PCNX2: variants seen among roughly 807,000 people sequenced by gnomAD.
PCNX2 encodes pecanex-like protein 2.
PCNX2 carries 168 observed loss-of-function variants against 223.8 expected under a neutral mutation model. The observed-to-expected ratio is 0.75, with a 90% CI of 0.66 to 0.85. The LOEUF (loss-of-function observed/expected upper bound fraction) is 0.85, where lower values mean the gene tolerates loss of function less well. PCNX2 is among the 40% of genes least tolerant of loss of function. The pLI is 0.00. For synonymous variants in PCNX2, 1,006 were observed against 1,052.6 expected (o/e 0.96, Z 0.86); for missense variants, 2,507 against 2,675.5 (o/e 0.94, Z 1.39).
intron 19 of PCNX2, among the ~76,000 whole-genome samples, chr1:233,157,089 A>C (rs1678180652): frequency 6.6e-6 from 1 of 152,186 alleles, no homozygotes; most frequent in African/African-American, 2.4e-5. Flanking sequence ...GTCTCTATCA[A>C]ATCAGGGAAG....
At chr1:233,054,626 A>T in intron 24 of PCNX2, 143 bp from the exon 25 acceptor site, 1 of 682,064 alleles carries the variant, frequency 1.5e-6, no homozygotes, top group Non-Finnish European at 2.4e-6. Flanking sequence ...TTCTTCCCAC[A>T]TTTTAGTGGA....
At chr1:233,138,634 G>T (rs1676941593) in intron 20 of PCNX2, among the ~76,000 whole-genome samples, 1 of 152,080 alleles carries the variant, frequency 6.6e-6, no homozygotes, top group Admixed American at 6.5e-5. Flanking sequence ...CTGTATAAGG[G>T]GTCTGAAGTC....
At chr1:233,292,865 T>G (rs911082914) in intron 1 of PCNX2, among the ~76,000 whole-genome samples, 1 of 152,158 alleles carries the variant, frequency 6.6e-6, no homozygotes, top group African/African-American at 2.4e-5. Context: ...TGTACCCACA[T>G]ACAATTATTC....
intron 23 of PCNX2, among the ~76,000 whole-genome samples, chr1:233,070,564 A>C (rs1423269553): frequency 2.0e-5 from 3 of 152,174 alleles, no homozygotes; most frequent in Admixed American, 6.5e-5. Flanking sequence ...CAATGCACAG[A>C]AATCAGTCAG....
intron 28 of PCNX2, among the ~76,000 whole-genome samples, chr1:233,008,334 C>T (rs2102807944): frequency 6.6e-6 from 1 of 152,266 alleles, no homozygotes; most frequent in South Asian, 2.1e-4. Context: ...CTCTAGAGTT[C>T]GGGTGCTACA....
intron 25 of PCNX2, 22 bp downstream of exon 25, chr1:233,054,246 T>A (rs1244672639): frequency 6.2e-7 from 1 of 1,603,934 alleles, no homozygotes; most frequent in South Asian, 1.1e-5. Context: ...TTCAACAGTT[T>A]CTACAATGAA....
rs549932088 is a variant in PCNX2 at position 233,160,568 on chromosome 1, G to T, written c.3367-135C>A. The T allele has an allele frequency of 8.7e-6, 9 of 1,032,376 alleles. No individual in the cohort carries two copies. The East Asian group carries it at 1.8e-4, about 21-fold the overall frequency. The allele number at this position is 1,032,376 out of a possible 1,614,324, so 64.0% of individuals were successfully genotyped here. On this transcript the variant is annotated intron_variant, in intron 18 of 33. Transcript: ENST00000258229. ...TAGCCAGACTCAGTTCTTGTTTCAG[G>T]CCTCTGAAAATGTCTTCTCTATACC... is the stretch of plus-strand genomic sequence containing the variant.
At chr1:233,302,652 A>ATATATATATG in the PCNX2 span, among the ~76,000 whole-genome samples, 3 of 150,826 alleles carry the variant, frequency 2.0e-5, no homozygotes, top group South Asian at 6.3e-4. Flanking sequence ...CATCATATAT[A>ATATATATATG]TATATATACA....
chr1:233,176,149 TCC>T (rs1366564647), intron 17 of PCNX2, among the ~76,000 whole-genome samples: 3 of 152,148 alleles, frequency 2.0e-5, no homozygotes, highest in Non-Finnish European at 4.4e-5. Context: ...CATCAGAGGC[TCC>T]AAGCTCAATA....
intron 1 of PCNX2, chr1:233,291,549 G>T (rs186860232): frequency 2.0e-6 from 1 of 489,728 alleles, no homozygotes; most frequent in Non-Finnish European, 2.6e-6. Context: ...TGGAGGTTGC[G>T]GTGAGCCGAG....
At chr1:233,049,181 CA>C in intron 25 of PCNX2, among the ~76,000 whole-genome samples, 1 of 151,914 alleles carries the variant, frequency 6.6e-6, no homozygotes, top group African/African-American at 2.4e-5. Flanking sequence ...AGAAACACAA[CA>C]AAAAAAGAAA....
chr1:233,099,818 A>G (rs981232988), intron 21 of PCNX2, among the ~76,000 whole-genome samples: 3 of 152,204 alleles, frequency 2.0e-5, no homozygotes, highest in African/African-American at 7.2e-5. Flanking sequence ...TTAAGATAAG[A>G]CTTAATGGAA....
At chr1:233,275,651 C>T (rs1034346987) in intron 1 of PCNX2, among the ~76,000 whole-genome samples, 1 of 152,190 alleles carries the variant, frequency 6.6e-6, no homozygotes, top group African/African-American at 2.4e-5. Flanking sequence ...GGCAATTCCA[C>T]TTTTGGGTAT....
At chr1:233,075,883 C>T (rs938696268) in intron 23 of PCNX2, among the ~76,000 whole-genome samples, 1 of 152,130 alleles carries the variant, frequency 6.6e-6, no homozygotes, top group African/African-American at 2.4e-5. Context: ...AAATCCAAGA[C>T]TACTCAATAT....
At chr1:233,314,093 G>A in the PCNX2 span, among the ~76,000 whole-genome samples, 1 of 152,168 alleles carries the variant, frequency 6.6e-6, no homozygotes, top group Admixed American at 6.5e-5. Context: ...ACAGAAAATT[G>A]AAAGTAGCCT....
rs140854513 is a variant in PCNX2, at chr1:232,995,225, G to A, written c.5791+3026C>T. Among the ~76,000 whole-genome samples the A allele has an allele frequency of 1.8e-3, 268 of 152,290 alleles. 1 individual carries two copies. Among genetic ancestry groups the A allele is most frequent in the African/African-American group, 5.6e-3 (231 of 41,556 alleles). The stretch of plus-strand genomic sequence containing the variant: ...GGCAGGTGAGTTCAAAGCAGCTGAT[G>A]CTTGGCCCAGGGCTTCATAAATCTC... On this transcript the variant is annotated intron_variant, in intron 32 of 33. Coordinates refer to ENST00000258229, the MANE Select transcript of PCNX2 (RefSeq NM_014801.4).
At chr1:233,100,510 C>G (rs542898611) in intron 21 of PCNX2, among the ~76,000 whole-genome samples, 3 of 151,746 alleles carry the variant, frequency 2.0e-5, no homozygotes, top group Admixed American at 6.6e-5. Flanking sequence ...TTTCAAATGA[C>G]CTATTTTGGA....
chr1:233,302,262 A>G, the PCNX2 span, among the ~76,000 whole-genome samples: 3 of 152,096 alleles, frequency 2.0e-5, no homozygotes, highest in Non-Finnish European at 4.4e-5. Context: ...TACTTCTTTT[A>G]TCTTTTTGGT....
chr1:233,177,665 G>A (rs183315350), intron 17 of PCNX2, 137 bp downstream of exon 17: 142 of 656,028 alleles, frequency 2.2e-4, no homozygotes, highest in Middle Eastern at 2.0e-3. Context: ...ACAGCCCAGT[G>A]TGCCAGGTAC....
Sources: allele counts gnomAD v4.1 joint callset (sites outside exome capture counted in the v4.1 genomes callset), GRCh38; gene constraint gnomAD v4.1.1; transcripts MANE v1.5; gene names NCBI Gene and HGNC (gene_info 2026-07-23, HGNC 2026-07-21).